The following CDH18 variants were observed in gnomAD, a reference collection of about 807,000 sequenced individuals.
The protein encoded by CDH18 is cadherin-18.
A neutral mutation model predicts 67.9 loss-of-function variants in CDH18; 31 were observed. The observed-to-expected ratio is 0.46, with a 90% CI of 0.34 to 0.62. CDH18 has a LOEUF of 0.62. CDH18 is among the 20% of genes least tolerant of loss of function. The pLI, the probability that CDH18 is intolerant of heterozygous loss-of-function variation, is 0.01. For missense variants in CDH18, 890 were observed against 975.5 expected (o/e 0.91, Z 1.17); for synonymous variants, 362 against 347.2 (o/e 1.04, Z -0.48).
intron 3 of CDH18, among the ~76,000 whole-genome samples, chr5:19,787,298 C>CA (rs373222979): frequency 0.055 from 8,345 of 151,908 alleles, 537 homozygotes; most frequent in African/African-American, 0.16. Flanking sequence ...ACTAAAAATA[C>CA]AAAATTAGCC....
chr5:20,450,934 CAGG>C (rs1750398340), intron 1 of CDH18, among the ~76,000 whole-genome samples: 1 of 152,118 alleles, frequency 6.6e-6, no homozygotes, highest in African/African-American at 2.4e-5. Flanking sequence ...AGAGCATGTG[CAGG>C]AGAAATATTC....
At chr5:19,765,354 G>GA (rs1772928702) in intron 3 of CDH18, among the ~76,000 whole-genome samples, 3 of 150,230 alleles carry the variant, frequency 2.0e-5, no homozygotes, top group East Asian at 2.0e-4. Flanking sequence ...AATTTTCCCA[G>GA]AAAAAAAGAC....
rs759084522 is a variant in CDH18, at chr5:19,473,380, T to C, written c.2219A>G (p.Tyr740Cys). The change falls in exon 13 of 13, where the codon TAT (tyrosine) becomes TGT (cysteine). Residue 740 changes from tyrosine to cysteine, a missense_variant. Physicochemically the swap from Tyr to Cys is radical, Grantham distance 194 (BLOSUM62 -2). Coordinates refer to ENST00000382275, the MANE Select transcript of CDH18 (RefSeq NM_004934.5). ...CCCAGCTTCTGATCTCTGACCCTCA[T>C]AGGCATAAGTCTGAAGAGAGTCATA... ...PPYDSLQTYA[Y>C]EGQRSEAGSI... 1.9e-6 allele frequency: 3 copies of C among 1,613,922 alleles called. No individual in the cohort carries two copies. The highest frequency in any genetic ancestry group is 2.5e-6 in the Non-Finnish European group (3 of 1,179,890).
At chr5:19,502,733 CT>C (rs1267161457) in intron 11 of CDH18, 2 of 480,106 alleles carry the variant, frequency 4.2e-6, no homozygotes, top group African/African-American at 4.0e-5. Context: ...GCTAAGATTT[CT>C]CTTAAAATTT....
chr5:19,979,796 A>G (rs2150358107), intron 2 of CDH18, among the ~76,000 whole-genome samples: 1 of 152,272 alleles, frequency 6.6e-6, no homozygotes, highest in Non-Finnish European at 1.5e-5. Context: ...TGTTTCTAAT[A>G]GCAGATTCAC....
At chr5:19,982,018 G>C (rs1343452326) in intron 1 of CDH18, among the ~76,000 whole-genome samples, 1 of 152,010 alleles carries the variant, frequency 6.6e-6, no homozygotes. Flanking sequence ...ATGAATGAAT[G>C]AATACAAAAT....
chr5:20,557,644 A>G (rs913728799), intron 1 of CDH18, among the ~76,000 whole-genome samples: 1 of 151,930 alleles, frequency 6.6e-6, no homozygotes, highest in Non-Finnish European at 1.5e-5. Context: ...AGGGGGAAAA[A>G]GGTTTAAAGG....
At chr5:20,032,790 T>C (rs934950828) in intron 2 of CDH18, among the ~76,000 whole-genome samples, 2 of 151,946 alleles carry the variant, frequency 1.3e-5, no homozygotes, top group Non-Finnish European at 2.9e-5. Flanking sequence ...CTGAAAAAAA[T>C]AATAAGTTGT....
chr5:20,401,339 T>C (rs1344431374), intron 1 of CDH18, among the ~76,000 whole-genome samples: 1 of 152,208 alleles, frequency 6.6e-6, no homozygotes, highest in Non-Finnish European at 1.5e-5. Flanking sequence ...ATTTATAAGA[T>C]ACGTGTATTA....
intron 3 of CDH18, among the ~76,000 whole-genome samples, chr5:19,754,017 C>T (rs942248116): frequency 2.6e-5 from 4 of 151,984 alleles, no homozygotes; most frequent in East Asian, 3.9e-4. Context: ...CGCATCAAAA[C>T]GGAACCTTTT....
intron 2 of CDH18, among the ~76,000 whole-genome samples, chr5:20,169,231 T>C (rs1182450843): frequency 6.6e-6 from 1 of 152,082 alleles, no homozygotes; most frequent in Non-Finnish European, 1.5e-5. Flanking sequence ...CCTGTATCAA[T>C]ACATCTCATG....
chr5:20,327,702 T>C (rs145170743), intron 1 of CDH18, among the ~76,000 whole-genome samples: 152 of 151,822 alleles, frequency 1.0e-3, no homozygotes, highest in African/African-American at 3.6e-3. Flanking sequence ...ATAAAAAAAA[T>C]AAAGCTAAGG....
chr5:19,677,267 A>G (rs937022307), intron 5 of CDH18, among the ~76,000 whole-genome samples: 10 of 152,114 alleles, frequency 6.6e-5, no homozygotes, highest in Admixed American at 4.6e-4. Context: ...ATTCTTAAAG[A>G]AAAGAAATTC....
intron 2 of CDH18, among the ~76,000 whole-genome samples, chr5:20,031,574 A>G (rs11955587): frequency 0.31 from 46,629 of 151,798 alleles, 8,148 homozygotes; most frequent in Non-Finnish European, 0.38. Context: ...TTCAATTGGG[A>G]AGTCAGGTAG....
intron 2 of CDH18, among the ~76,000 whole-genome samples, chr5:20,103,063 A>G (rs530921381): frequency 4.7e-4 from 71 of 152,224 alleles, no homozygotes; most frequent in Non-Finnish European, 9.3e-4. Flanking sequence ...CAGGGTGAGC[A>G]TATCAGTAAC....
At chr5:20,103,507 C>T (rs1450211248) in intron 2 of CDH18, among the ~76,000 whole-genome samples, 5 of 148,652 alleles carry the variant, frequency 3.4e-5, no homozygotes, top group African/African-American at 5.0e-5. Flanking sequence ...AGGGAGATCA[C>T]GAGGTCAGGA....
chr5:19,989,099 G>A (rs1799824693), upstream of CDH18, among the ~76,000 whole-genome samples: 1 of 152,116 alleles, frequency 6.6e-6, no homozygotes, highest in African/African-American at 2.4e-5. Context: ...CTGGACAGCT[G>A]AAATAACTTT....
At chr5:20,266,907 T>C (rs533807681) in intron 1 of CDH18, among the ~76,000 whole-genome samples, 2 of 152,150 alleles carry the variant, frequency 1.3e-5, no homozygotes, top group South Asian at 2.1e-4. Context: ...ATGTGGAACA[T>C]GTTTAGGAGT....
chr5:19,760,147 T>A (rs1772145201), intron 3 of CDH18, among the ~76,000 whole-genome samples: 1 of 152,190 alleles, frequency 6.6e-6, no homozygotes, highest in African/African-American at 2.4e-5. Flanking sequence ...ATGCTGCCAC[T>A]TGGCTCCTGC....
Sources: allele counts gnomAD v4.1 joint callset (sites outside exome capture counted in the v4.1 genomes callset), GRCh38; gene constraint gnomAD v4.1.1; transcripts MANE v1.5; gene names NCBI Gene and HGNC (gene_info 2026-07-23, HGNC 2026-07-21).